POLH: variants seen among roughly 807,000 people sequenced by gnomAD.
POLH encodes the protein DNA polymerase eta transcript.
Under a neutral mutation model 73.6 loss-of-function variants are expected in POLH, and 53 were observed. That is an observed-to-expected ratio of 0.72 (90% CI 0.58 to 0.91). The LOEUF (loss-of-function observed/expected upper bound fraction) is 0.91. Among genes scored for constraint, POLH ranks in the 40% least tolerant of loss-of-function variants. The pLI is 0.00. For synonymous variants in POLH, 292 were observed against 308.5 expected (o/e 0.95, Z 0.56); for missense variants, 768 against 865.4 (o/e 0.89, Z 1.41).
At chr6:43,594,499 G>C (rs1211851282) in intron 4 of POLH, among the ~76,000 whole-genome samples, 1 of 152,152 alleles carries the variant, frequency 6.6e-6, no homozygotes, top group Non-Finnish European at 1.5e-5. Flanking sequence ...TTGAGGTCAG[G>C]AGTTCAAGAC....
rs1768428801 is a variant in POLH at position 43,617,558 on chromosome 6, C to T, written c.*3001C>T. ...AGGAGAATCACTTGAATCTGGGAGG[C>T]AGAGGTTGTAGTGAGCTGAGATTGT... On this transcript the variant is annotated 3_prime_UTR_variant, in exon 11 of 11. Transcript: ENST00000372236. Among the ~76,000 whole-genome samples, 1 of 151,280 alleles carries T rather than the reference C, an allele frequency of 6.6e-6. No individual in the cohort carries two copies. Among genetic ancestry groups the T allele is most frequent in the Non-Finnish European group, 1.5e-5 (1 of 67,900 alleles).
chr6:43,620,445 T>C lies in POLH; in HGVS notation c.*5888T>C. On this transcript the variant is annotated 3_prime_UTR_variant, in exon 11 of 11. Coordinates refer to ENST00000372236, the MANE Select transcript of POLH (RefSeq NM_006502.3). ...TTGTCTCTAATCCTGAAGAGGTATCTAGCCCTGGAAGGAAGCTGAGCCTGT... is the reference window on the plus strand; with the variant it reads ...TTGTCTCTAATCCTGAAGAGGTATCCAGCCCTGGAAGGAAGCTGAGCCTGT... 1 of 383,124 alleles carries C rather than the reference T, an allele frequency of 2.6e-6. No individual in the cohort carries two copies. Among genetic ancestry groups the C allele is most frequent in the Non-Finnish European group, 5.0e-6 (1 of 198,898 alleles). The allele number at this position is 383,124 out of a possible 1,614,324, so 23.7% of individuals were successfully genotyped here. A position where few individuals can be genotyped will look rare whatever the true frequency, so the allele number is the denominator to read the frequency against.
Position 43,587,361 on chromosome 6 carries a change from T to G in POLH, c.362T>G (p.Leu121Arg), listed in dbSNP as rs1165547363. The change falls in exon 4 of 11, where the codon CTG becomes CGG. Residue 121 changes from leucine (L) to arginine (R), a missense_variant. Coordinates refer to ENST00000372236, the MANE Select transcript of POLH (RefSeq NM_006502.3). ...RASIDEAYVD[L>R]TSAVQERLQK... ...AGCATTGATGAGGCTTACGTAGATCTGACCAGTGCTGTACAAGAGAGACTA... is the reference window on the plus strand; with the variant it reads ...AGCATTGATGAGGCTTACGTAGATCGGACCAGTGCTGTACAAGAGAGACTA... The G allele has an allele frequency of 6.2e-7, 1 of 1,614,110 alleles. No homozygotes were observed.
At chr6:43,603,182 A>G (rs112822027) in intron 6 of POLH, among the ~76,000 whole-genome samples, 4,975 of 151,568 alleles carry the variant, frequency 0.033, 268 homozygotes, top group African/African-American at 0.11. Context: ...GCTGGAGTAC[A>G]GTGGCACAAT....
Position 43,619,126 on chromosome 6 carries a change from T to C in POLH, c.*4569T>C, listed in dbSNP as rs1272849472. ...TCACGGTGGCTGATGCTTGTAATCCTAACACTTTGGGAGGCTGAGGTGGGT... is the reference window on the plus strand; with the variant it reads ...TCACGGTGGCTGATGCTTGTAATCCCAACACTTTGGGAGGCTGAGGTGGGT... On this transcript the variant is annotated 3_prime_UTR_variant, in exon 11 of 11. Coordinates refer to ENST00000372236, the MANE Select transcript of POLH (RefSeq NM_006502.3). 6.6e-6 allele frequency among the ~76,000 whole-genome samples: 1 copy of C among 152,086 alleles called. No homozygotes were observed. Among genetic ancestry groups the C allele is most frequent in the East Asian group, 1.9e-4 (1 of 5,192 alleles).
At chr6:43,611,967 A>C (rs1767935191) in intron 10 of POLH, among the ~76,000 whole-genome samples, 1 of 151,978 alleles carries the variant, frequency 6.6e-6, no homozygotes, top group Admixed American at 6.6e-5. Flanking sequence ...GAGGCAGGAG[A>C]ATTGCTTGAA....
In POLH at chr6:43,618,059, C is replaced by T. The variant is rs1768464450; in HGVS notation, c.*3502C>T. Among the ~76,000 whole-genome samples, 1 of 152,200 alleles carries T rather than the reference C, an allele frequency of 6.6e-6. No homozygotes were observed. Among genetic ancestry groups the T allele is most frequent in the Admixed American group, 6.5e-5 (1 of 15,274 alleles). ...GTAAGTGCTTCAGCCATTAGGGTTACTGGCTTGTTCATCTTTCCCACTGAG... is the reference window on the plus strand; with the variant it reads ...GTAAGTGCTTCAGCCATTAGGGTTATTGGCTTGTTCATCTTTCCCACTGAG... On this transcript the variant is annotated 3_prime_UTR_variant, in exon 11 of 11. Transcript: ENST00000372236.
intron 3 of POLH, among the ~76,000 whole-genome samples, chr6:43,584,653 C>T (rs1764608734): frequency 1.3e-5 from 2 of 152,202 alleles, no homozygotes; most frequent in African/African-American, 4.8e-5. Flanking sequence ...TCAGATTCCA[C>T]ATGTTGAGGG....
chr6:43,608,606 G>T (rs1028897067), intron 9 of POLH, among the ~76,000 whole-genome samples: 9 of 152,126 alleles, frequency 5.9e-5, no homozygotes, highest in African/African-American at 2.2e-4. Flanking sequence ...CTGCAGCCTT[G>T]TAGCCTCAAC....
intron 9 of POLH, among the ~76,000 whole-genome samples, chr6:43,608,229 T>C (rs556575553): frequency 6.6e-6 from 1 of 152,356 alleles, no homozygotes; most frequent in South Asian, 2.1e-4. Context: ...GATACGTGAT[T>C]TGCAAATATT....
At chr6:43,583,243 G>A (rs1561897858) in intron 3 of POLH, 102 bp downstream of exon 3, 2 of 1,086,166 alleles carry the variant, frequency 1.8e-6, no homozygotes, top group Non-Finnish European at 1.4e-6. Context: ...AAATAACACC[G>A]GAAAAAATTC....
intron 3 of POLH, 141 bp from the exon 4 acceptor site, chr6:43,587,131 T>C (rs1764910333): frequency 8.0e-6 from 6 of 747,744 alleles, no homozygotes; most frequent in Non-Finnish European, 1.5e-5. Context: ...ACCCTTTCAG[T>C]TACTATTGTC....
intron 9 of POLH, among the ~76,000 whole-genome samples, chr6:43,610,051 AGATT>A (rs1442353889): frequency 1.4e-5 from 2 of 146,646 alleles, no homozygotes; most frequent in African/African-American, 2.5e-5. Context: ...GCATATATAT[AGATT>A]CTTTTTTTTT....
Position 43,614,308 on chromosome 6 carries a change from C to T in POLH, c.1893C>T (p.Asp631=). The T allele has an allele frequency of 6.2e-7, 1 of 1,601,848 alleles. No individual in the cohort carries two copies. Among genetic ancestry groups the T allele is most frequent in the Middle Eastern group, 1.7e-4 (1 of 5,994 alleles). ...TPNPSLLAAE[D]QVPCEKCGSL... ...ATCCAAGTCTTCTAGCTGCTGAGGA[C>T]CAAGTGCCCTGTGAGAAGTGTGGCT... Residue 631 remains aspartate (D), a synonymous_variant, in exon 11 of 11, where the codon GAC becomes GAT. Transcript: ENST00000372236.
intron 5 of POLH, among the ~76,000 whole-genome samples, chr6:43,599,344 G>T (rs561000570): frequency 1.3e-5 from 2 of 152,192 alleles, no homozygotes; most frequent in South Asian, 4.1e-4. Context: ...GGTATTTTAT[G>T]CTTTTGCCTA....
At chr6:43,579,362 T>C (rs1279247390) in intron 1 of POLH, among the ~76,000 whole-genome samples, 8 of 152,156 alleles carry the variant, frequency 5.3e-5, no homozygotes, top group Admixed American at 5.2e-4. Context: ...TTAGATCATA[T>C]CTTTTTTGTC....
In POLH at chr6:43,618,930, C is replaced by T. The variant is rs960223974; in HGVS notation, c.*4373C>T. On this transcript the variant is annotated 3_prime_UTR_variant, in exon 11 of 11. Transcript: ENST00000372236. ...ACAGGCCTGAGCCACCAGGCCAGCC[C>T]CAACTTCTACTTTTTATTTTATTTA... is the stretch of plus-strand genomic sequence containing the variant. Among the ~76,000 whole-genome samples the T allele has an allele frequency of 2.0e-5, 3 of 149,826 alleles. No individual in the cohort carries two copies. The highest frequency in any genetic ancestry group is 2.1e-4 in the South Asian group (1 of 4,760).
At chr6:43,586,532 G>T (rs781479182) in intron 3 of POLH, among the ~76,000 whole-genome samples, 2 of 152,138 alleles carry the variant, frequency 1.3e-5, no homozygotes, top group Non-Finnish European at 2.9e-5. Context: ...AGAAAACTAG[G>T]TATAGAGCCA....
chr6:43,608,113 A>G (rs912926153), intron 9 of POLH, among the ~76,000 whole-genome samples: 5 of 152,228 alleles, frequency 3.3e-5, no homozygotes, highest in African/African-American at 1.2e-4. Context: ...ATGAGCAACA[A>G]GAGCAAAGCT....
Sources: gnomAD v4.1 joint callset for allele counts (sites outside exome capture counted in the v4.1 genomes callset) on GRCh38, gnomAD v4.1.1 for gene constraint, MANE v1.5 for transcripts, NCBI Gene and HGNC (gene_info 2026-07-23, HGNC 2026-07-21) for gene names.